TMTC1: variants seen among roughly 807,000 people sequenced by gnomAD.
TMTC1 encodes protein O-mannosyl-transferase TMTC1.
A neutral mutation model predicts 104.8 loss-of-function variants in TMTC1; 73 were observed. The ratio of observed to expected loss-of-function variants is 0.70; its 90% confidence interval spans 0.58 to 0.85. TMTC1 has a LOEUF of 0.85. TMTC1 is among the 40% of genes least tolerant of loss of function. TMTC1 has a pLI of 0.00. For synonymous variants in TMTC1, 434 were observed against 428.7 expected, an observed-to-expected ratio of 1.01 and a Z score of -0.15; for missense variants, 1,035 against 1,096.1, an observed-to-expected ratio of 0.94 and a Z score of 0.79.
Position 29,733,050 on chromosome 12 carries a change from G to A in TMTC1, c.938+18616C>T, listed in dbSNP as rs1470056015. ...CGTGGACTTGGCTCAAGAAAGACCT[G>A]GATTCAAATAGTGACTGCATGTGTT... On this transcript the variant is annotated intron_variant, in intron 5 of 17. Transcript: ENST00000539277. Among the ~76,000 whole-genome samples, 4 of 152,068 alleles carry A rather than the reference G, an allele frequency of 2.6e-5. No homozygotes were observed. The East Asian group carries it at 7.7e-4, about 29-fold the overall frequency.
chr12:29,646,489 T>C (rs1345716778), intron 5 of TMTC1, among the ~76,000 whole-genome samples: 1 of 152,174 alleles, frequency 6.6e-6, no homozygotes, highest in Non-Finnish European at 1.5e-5. Flanking sequence ...AAGGATGAGA[T>C]AGTTTTCTTC....
chr12:29,658,092 C>CA (rs949837644), intron 5 of TMTC1, among the ~76,000 whole-genome samples: 5 of 151,340 alleles, frequency 3.3e-5, no homozygotes, highest in Admixed American at 1.3e-4. Flanking sequence ...GACTCCATGT[C>CA]AAAAAAACAA....
intron 6 of TMTC1, among the ~76,000 whole-genome samples, chr12:29,631,208 C>T (rs1208392141): frequency 6.6e-6 from 1 of 152,008 alleles, no homozygotes; most frequent in East Asian, 2.0e-4. Flanking sequence ...TGGCTTGCCT[C>T]TTCATTTAAT....
intron 15 of TMTC1, among the ~76,000 whole-genome samples, chr12:29,515,753 CTT>C (rs59185698): frequency 1.4e-5 from 2 of 138,444 alleles, no homozygotes; most frequent in African/African-American, 5.3e-5. Flanking sequence ...AGGGCAGTGA[CTT>C]TTTTTTTTTT....
intron 3 of TMTC1, among the ~76,000 whole-genome samples, 183 bp from the exon 4 acceptor site, chr12:29,756,068 A>G (rs1943208622): frequency 6.6e-6 from 1 of 152,248 alleles, no homozygotes; most frequent in Non-Finnish European, 1.5e-5. Context: ...AAATTGCAAT[A>G]TACACAGACT....
chr12:29,516,175 G>A (rs1043678119), intron 15 of TMTC1, among the ~76,000 whole-genome samples, 174 bp downstream of exon 15: 2 of 152,056 alleles, frequency 1.3e-5, no homozygotes, highest in Non-Finnish European at 2.9e-5. Flanking sequence ...TATTACAAGG[G>A]GACATCTTAG....
intron 5 of TMTC1, among the ~76,000 whole-genome samples, chr12:29,651,198 T>C (rs1939503154): frequency 6.6e-6 from 1 of 152,174 alleles, no homozygotes; most frequent in African/African-American, 2.4e-5. Context: ...GGTTGGAAAT[T>C]TTTTTGTAGC....
chr12:29,726,527 A>T (rs1282076336), intron 5 of TMTC1, among the ~76,000 whole-genome samples: 2 of 152,188 alleles, frequency 1.3e-5, no homozygotes, highest in African/African-American at 4.8e-5. Context: ...TGTAGCCAAG[A>T]CAAGCATATA....
Position 29,783,660 on chromosome 12 carries a change from GCCGCGGCCCCGGCCGGCGCT to G in TMTC1, c.72_91del (p.Pro26AlafsTer102). On this transcript the variant is annotated frameshift_variant, in exon 1 of 18. Transcript: ENST00000539277. LOFTEE classifies it high-confidence loss of function. The surrounding 1 kb of genome is among the most constrained non-coding windows in gnomAD (Gnocchi z 4.7). The stretch of plus-strand genomic sequence containing the variant: ...CAGGCAGCTTGCCCCGGCCAGCAGC[GCCGCGGCCCCGGCCGGCGCT>G]AGCCCGCAGCCCCGCCGCCGGGAGG... 7.3e-7 allele frequency: 1 copy of G among 1,376,214 alleles called. No individual in the cohort carries two copies. The highest frequency in any genetic ancestry group is 1.7e-5 in the South Asian group (1 of 58,430). The allele number at this position is 1,376,214 out of a possible 1,614,324, so 85.3% of individuals were successfully genotyped here.
At position 29,539,260 on chromosome 12, in the gene TMTC1, C is replaced by T. The variant is rs142927257; in HGVS notation, c.1677-2943G>A. Among the ~76,000 whole-genome samples, 499 of 151,992 alleles carry T rather than the reference C, an allele frequency of 3.3e-3. 6 individuals carry two copies. The highest frequency in any genetic ancestry group is 1.0e-2 in the African/African-American group (414 of 41,516). On this transcript the variant is annotated intron_variant, in intron 10 of 17. Transcript: ENST00000539277. ...ACTGTTTCTGATGTTAGTAGCATCC[C>T]TTTTTCATATCTGTATTATAGCACG... is the stretch of plus-strand genomic sequence containing the variant.
At chr12:29,510,696 G>C (rs191354623) in intron 17 of TMTC1, among the ~76,000 whole-genome samples, 1 of 152,114 alleles carries the variant, frequency 6.6e-6, no homozygotes, top group East Asian at 1.9e-4. Flanking sequence ...AACCCGTTAG[G>C]ACTTTGTTCA....
rs1014339519 is a variant in TMTC1, at chr12:29,517,499, G to T, written c.2097C>A (p.Tyr699Ter). The T allele has an allele frequency of 6.2e-7, 1 of 1,614,084 alleles. No individual in the cohort carries two copies. Among genetic ancestry groups the T allele is most frequent in the Non-Finnish European group, 8.5e-7 (1 of 1,180,012 alleles). ...LGALYYNTGR[Y>*]EEALQIYQEA... Reference sequence around the variant, plus strand: ...CCTGGTAAATCTGCAAAGCCTCTTCGTATCGGCCAGTGTTGTAATACAGTG... The same window carrying T: ...CCTGGTAAATCTGCAAAGCCTCTTCTTATCGGCCAGTGTTGTAATACAGTG... The change falls in exon 14 of 18, where the codon TAC (tyrosine) becomes TAA (stop). Residue 699 changes from tyrosine (Y) to a stop codon, truncating the protein, a stop_gained. Transcript: ENST00000539277. LOFTEE classifies it high-confidence loss of function.
chr12:29,569,705 C>A (rs543097838), intron 9 of TMTC1, among the ~76,000 whole-genome samples: 37 of 152,162 alleles, frequency 2.4e-4, no homozygotes, highest in Non-Finnish European at 1.6e-4. Flanking sequence ...AACAAAAATA[C>A]CCACATCCGT....
At chr12:29,736,373 A>G (rs1942674732) in intron 5 of TMTC1, among the ~76,000 whole-genome samples, 1 of 152,174 alleles carries the variant, frequency 6.6e-6, no homozygotes, top group Non-Finnish European at 1.5e-5. Context: ...TTCAGAACAA[A>G]AAAAGGAGAA....
At chr12:29,709,896 A>G (rs1213183185) in intron 5 of TMTC1, among the ~76,000 whole-genome samples, 9 of 152,352 alleles carry the variant, frequency 5.9e-5, no homozygotes, top group African/African-American at 2.2e-4. Context: ...AGATGAAAAC[A>G]GGGAAAAGCC....
At chr12:29,598,787 C>T (rs544125481) in intron 7 of TMTC1, among the ~76,000 whole-genome samples, 1 of 152,256 alleles carries the variant, frequency 6.6e-6, no homozygotes, top group Non-Finnish European at 1.5e-5. Flanking sequence ...TTGTATCCTG[C>T]AACGCTAATG....
At chr12:29,738,039 G>A (rs1340563567) in intron 5 of TMTC1, among the ~76,000 whole-genome samples, 3 of 152,162 alleles carry the variant, frequency 2.0e-5, no homozygotes, top group Non-Finnish European at 2.9e-5. Flanking sequence ...ACTATCTTCA[G>A]ATTAGGGTAC....
intron 1 of TMTC1, among the ~76,000 whole-genome samples, chr12:29,774,478 C>T (rs1221822062): frequency 1.3e-5 from 2 of 152,068 alleles, no homozygotes; most frequent in Non-Finnish European, 2.9e-5. Context: ...TTAAAAGTAA[C>T]CCTTTATTAT....
intron 5 of TMTC1, among the ~76,000 whole-genome samples, chr12:29,726,937 A>G (rs191576227): frequency 6.6e-6 from 1 of 152,368 alleles, no homozygotes; most frequent in Admixed American, 6.5e-5. Context: ...GTACACAGGA[A>G]AACAGGACAG....
Sources: gnomAD v4.1 joint callset for allele counts (sites outside exome capture counted in the v4.1 genomes callset) on GRCh38, gnomAD v4.1.1 for gene constraint, Gnocchi (gnomAD v3.1) non-coding constraint, MANE v1.5 for transcripts, NCBI Gene and HGNC (gene_info 2026-07-23, HGNC 2026-07-21) for gene names.